TBC1D1: variants seen among roughly 807,000 people sequenced by gnomAD.
TBC1D1 encodes TBC1 (tre-2/USP6, BUB2, cdc16) domain family, member 1.
A neutral mutation model predicts 125.6 loss-of-function variants in TBC1D1; 89 were observed. That is an observed-to-expected ratio of 0.71 (90% CI 0.60 to 0.85). The LOEUF is 0.85. TBC1D1 is among the 40% of genes least tolerant of loss of function. The pLI, the probability that TBC1D1 is intolerant of heterozygous loss-of-function variation, is 0.00. For synonymous variants in TBC1D1, 565 were observed against 564.1 expected (o/e 1.00, Z -0.02); for missense variants, 1,377 against 1,469.2 (o/e 0.94, Z 1.03).
chr4:37,950,861 C>A (rs772614829), intron 2 of TBC1D1, among the ~76,000 whole-genome samples: 5 of 151,334 alleles, frequency 3.3e-5, no homozygotes, highest in Non-Finnish European at 7.4e-5. Context: ...CAGGTTCAAG[C>A]GATTCTCCTG....
intron 18 of TBC1D1, among the ~76,000 whole-genome samples, chr4:38,128,911 G>A (rs1269182446): frequency 6.6e-6 from 1 of 152,230 alleles, no homozygotes; most frequent in Non-Finnish European, 1.5e-5. Flanking sequence ...CTCTGTGGCT[G>A]TGAAGTCTCA....
chr4:38,064,389 A>AGCC (rs1169988078), intron 12 of TBC1D1, among the ~76,000 whole-genome samples: 3 of 152,186 alleles, frequency 2.0e-5, no homozygotes, highest in African/African-American at 7.2e-5. Flanking sequence ...GGGATGGTTA[A>AGCC]GCCAGCAGGG....
intron 2 of TBC1D1, among the ~76,000 whole-genome samples, chr4:37,921,058 C>T (rs1205769179): frequency 7.1e-6 from 1 of 139,902 alleles, no homozygotes; most frequent in African/African-American, 2.8e-5. Context: ...TGCAGCGAGC[C>T]GAGATCGCGC....
chr4:38,078,756 T>C (rs1756032476), intron 12 of TBC1D1, among the ~76,000 whole-genome samples: 1 of 152,198 alleles, frequency 6.6e-6, no homozygotes, highest in African/African-American at 2.4e-5. Flanking sequence ...AAATGTGTGT[T>C]GTTTAAGCCA....
chr4:37,960,429 TC>T, intron 2 of TBC1D1: 1 of 1,608,016 alleles, frequency 6.2e-7, no homozygotes. Flanking sequence ...GCGGCAATAA[TC>T]CAGAATGGCT....
At chr4:37,908,265 G>A (rs926498477) in intron 2 of TBC1D1, among the ~76,000 whole-genome samples, 5 of 152,100 alleles carry the variant, frequency 3.3e-5, no homozygotes, top group Admixed American at 1.3e-4. Context: ...GAATGCAGTC[G>A]TGCAATCTTG....
At chr4:38,104,550 A>G (rs2152560979) in intron 15 of TBC1D1, among the ~76,000 whole-genome samples, 1 of 152,196 alleles carries the variant, frequency 6.6e-6, no homozygotes, top group Admixed American at 6.5e-5. Context: ...CTTCCAGAAT[A>G]CCTGTTCTGG....
chr4:38,118,076 G>T lies in TBC1D1; in HGVS notation c.2846G>T (p.Arg949Ile). The change falls in exon 17 of 20, where the codon AGA becomes ATA. Residue 949 changes from arginine (R) to isoleucine (I), a missense_variant. Physicochemically the swap from Arg to Ile is moderately conservative, Grantham distance 97. Coordinates refer to ENST00000261439, the MANE Select transcript of TBC1D1 (RefSeq NM_015173.4). Reference sequence around the variant, plus strand: ...TCGAGGTTGCTTCATGATTACCACAGAGACCTCTACAATCACCTGGAGGAG... The same window carrying T: ...TCGAGGTTGCTTCATGATTACCACATAGACCTCTACAATCACCTGGAGGAG... 1 of 1,614,170 alleles carries T rather than the reference G, an allele frequency of 6.2e-7. No individual in the cohort carries two copies. The highest frequency in any genetic ancestry group is 1.3e-5 in the African/African-American group (1 of 75,038).
At chr4:38,045,095 C>T (rs1007148824) in intron 9 of TBC1D1, among the ~76,000 whole-genome samples, 11 of 152,166 alleles carry the variant, frequency 7.2e-5, no homozygotes, top group African/African-American at 2.7e-4. Context: ...AAATATAGCT[C>T]TATAGAAAGA....
In TBC1D1 at chr4:38,035,630, A is replaced by C. The variant is rs758024695; in HGVS notation, c.1345A>C (p.Ile449Leu). The C allele has an allele frequency of 1.2e-6, 2 of 1,614,026 alleles. No individual in the cohort carries two copies. Among genetic ancestry groups the C allele is most frequent in the Non-Finnish European group, 1.7e-6 (2 of 1,179,958 alleles). Reference sequence around the variant, plus strand: ...TGAGCAGCGAGAGAATGAATTGATTATTTCTTTTCTGAGATGTTTATATGA... The same window carrying C: ...TGAGCAGCGAGAGAATGAATTGATTCTTTCTTTTCTGAGATGTTTATATGA... Residue 449 changes from isoleucine (I) to leucine (L), a missense_variant, in exon 8 of 20, where the codon ATT becomes CTT. Coordinates refer to ENST00000261439, the MANE Select transcript of TBC1D1 (RefSeq NM_015173.4).
At chr4:38,041,515 G>T (rs1233464325) in intron 8 of TBC1D1, among the ~76,000 whole-genome samples, 1 of 152,114 alleles carries the variant, frequency 6.6e-6, no homozygotes, top group Non-Finnish European at 1.5e-5. Flanking sequence ...TATAAGAGAG[G>T]TCACTGCAGC....
chr4:38,123,549 CAGTT>C (rs368397619), intron 17 of TBC1D1, among the ~76,000 whole-genome samples: 8 of 152,186 alleles, frequency 5.3e-5, no homozygotes, highest in African/African-American at 1.2e-4. Context: ...TTCAAAGACA[CAGTT>C]AGTTCTCTAG....
At chr4:38,102,447 T>C (rs1236619084) in intron 14 of TBC1D1, among the ~76,000 whole-genome samples, 1 of 151,640 alleles carries the variant, frequency 6.6e-6, no homozygotes, top group Non-Finnish European at 1.5e-5. Context: ...GGTCAGAACA[T>C]GATAACACAT....
chr4:37,911,712 G>A (rs1718672104), intron 2 of TBC1D1, among the ~76,000 whole-genome samples: 1 of 152,186 alleles, frequency 6.6e-6, no homozygotes, highest in Non-Finnish European at 1.5e-5. Context: ...TTTGCTGGGT[G>A]CTGGGGTACA....
intron 3 of TBC1D1, among the ~76,000 whole-genome samples, chr4:38,015,781 C>T (rs918807130): frequency 6.6e-6 from 1 of 152,140 alleles, no homozygotes; most frequent in Non-Finnish European, 1.5e-5. Context: ...TAATTCAGGG[C>T]ACAGGTGAGA....
At chr4:37,921,406 T>C (rs1720965184) in intron 2 of TBC1D1, among the ~76,000 whole-genome samples, 1 of 136,886 alleles carries the variant, frequency 7.3e-6, no homozygotes, top group Admixed American at 8.0e-5. Flanking sequence ...ACAAAATACA[T>C]ATATATAATT....
At chr4:37,987,965 C>T (rs1204325278) in intron 2 of TBC1D1, among the ~76,000 whole-genome samples, 1 of 152,194 alleles carries the variant, frequency 6.6e-6, no homozygotes, top group Non-Finnish European at 1.5e-5. Flanking sequence ...ATAGATAGCA[C>T]ACTAGGCAGG....
At chr4:37,945,587 G>A (rs561043969) in intron 2 of TBC1D1, among the ~76,000 whole-genome samples, 1 of 131,698 alleles carries the variant, frequency 7.6e-6, no homozygotes, top group South Asian at 2.4e-4. Flanking sequence ...AGTCCAACCT[G>A]CTTTGCCCAG....
At chr4:38,002,090 C>T (rs1175138476) in intron 2 of TBC1D1, among the ~76,000 whole-genome samples, 4 of 152,120 alleles carry the variant, frequency 2.6e-5, no homozygotes, top group Non-Finnish European at 4.4e-5. Context: ...GAGAGCATTC[C>T]TGCATTCGTT....
Sources: allele counts gnomAD v4.1 joint callset (sites outside exome capture counted in the v4.1 genomes callset), GRCh38; gene constraint gnomAD v4.1.1; transcripts MANE v1.5; gene names NCBI Gene and HGNC (gene_info 2026-07-23, HGNC 2026-07-21).